Variants in ZNF132 observed in about 807,000 individuals in gnomAD.
ZNF132 encodes zinc finger protein 132, also known as zinc finger protein 132 (clone pHZ-12).
In ZNF132, 6 loss-of-function variants were observed where a neutral mutation model predicts 9.3. The observed-to-expected ratio is 0.65, with a 90% confidence interval of 0.35 to 1.28. The LOEUF (loss-of-function observed/expected upper bound fraction) is 1.28, where lower values mean the gene tolerates loss of function less well. ZNF132 is among the 50% of genes most tolerant of loss of function. ZNF132 has a pLI of 0.03. For missense variants in ZNF132, 877 were observed against 843.2 expected (o/e 1.04, Z -0.50); for synonymous variants, 296 against 292.0 (o/e 1.01, Z -0.14).
chr19:58,437,031 T>TGA lies in ZNF132; in HGVS notation c.232+14_232+15dup. 1 of 1,614,172 alleles carries TGA rather than the reference T, an allele frequency of 6.2e-7. No homozygotes were observed. The highest frequency in any genetic ancestry group is 2.2e-5 in the East Asian group (1 of 44,880). On this transcript the variant is annotated intron_variant, in intron 2 of 2. Transcript: ENST00000254166. ...AGGCATAAGGTAGTCATCACCATGC[T>TGA]GAGACAGGGCATTACCAAGTGAGGT...
Position 58,433,180 on chromosome 19 carries a change from G to A in ZNF132, c.*143C>T. 2.4e-6 allele frequency: 2 copies of A among 850,616 alleles called. No individual in the cohort carries two copies. The highest frequency in any genetic ancestry group is 1.8e-5 in the South Asian group (1 of 56,034). The allele number at this position is 850,616 out of a possible 1,614,324, so 52.7% of individuals were successfully genotyped here. ...GAGATGGCCCTGCAAAGGTTCCTGGGCTGGTCAGAAACAGAGTAGCTTCTG... is the reference window on the plus strand; with the variant it reads ...GAGATGGCCCTGCAAAGGTTCCTGGACTGGTCAGAAACAGAGTAGCTTCTG... On this transcript the variant is annotated 3_prime_UTR_variant, in exon 3 of 3. Coordinates refer to ENST00000254166, the MANE Select transcript of ZNF132 (RefSeq NM_003433.4).
Position 58,435,168 on chromosome 19 carries a change from C to T in ZNF132, c.276G>A (p.Gln92=). 1 of 1,614,158 alleles carries T rather than the reference C, an allele frequency of 6.2e-7. No individual in the cohort carries two copies. The highest frequency in any genetic ancestry group is 8.5e-7 in the Non-Finnish European group (1 of 1,180,016). ...CCTGTAACACTTCTACAGAAACATT[C>T]TGCTTGGGATGGGCCCCCTCACCCT... ...GVEGEGAHPK[Q]NVSVEVLQVR... is the part of the protein sequence containing the mutation. The change falls in exon 3 of 3, where the codon CAG becomes CAA. Residue 92 remains glutamine (Q), a synonymous_variant. Transcript: ENST00000254166.
rs763458895 is a variant in ZNF132 at position 58,434,469 on chromosome 19, C to T, written c.975G>A (p.Gly325=). ...EVKYYECIAC[G]KTFNHKLTFV... ...ATGTGAGTTTGTGGTTGAAGGTTTT[C>T]CCACATGCAATGCACTCATAATATT... The change falls in exon 3 of 3, where the codon GGG becomes GGA. Residue 325 remains glycine (G), a synonymous_variant. Coordinates refer to ENST00000254166, the MANE Select transcript of ZNF132 (RefSeq NM_003433.4). The T allele has an allele frequency of 1.2e-6, 2 of 1,614,216 alleles. No individual in the cohort carries two copies. Among genetic ancestry groups the T allele is most frequent in the East Asian group, 2.2e-5 (1 of 44,894 alleles).
intron 1 of ZNF132, 143 bp from the exon 2 acceptor site, chr19:58,437,358 C>G (rs897986013): frequency 1.1e-5 from 11 of 1,005,778 alleles, no homozygotes; most frequent in Admixed American, 3.0e-5. Flanking sequence ...CACAGCTTAT[C>G]TTCTTCCTCA....
At position 58,434,118 on chromosome 19, in the gene ZNF132, AT is replaced by A; in HGVS notation, c.1325del (p.Asn442IlefsTer89). ...ECSECGRAFN[N>X]NSNLAQHQKV... ...TCTGGTGCTGAGCAAGGTTGGAGTT[AT>A]TGTTAAAAGCTCTTCCACATTCACT... On this transcript the variant is annotated frameshift_variant, in exon 3 of 3. Transcript: ENST00000254166. LOFTEE classifies it low-confidence loss of function (END_TRUNC). 1 of 1,610,344 alleles carries A rather than the reference AT, an allele frequency of 6.2e-7. No homozygotes were observed. The highest frequency in any genetic ancestry group is 2.2e-5 in the East Asian group (1 of 44,594).
rs989638501 is a variant in ZNF132, at chr19:58,433,110, G to A, written c.*213C>T. 4 of 573,910 alleles carry A rather than the reference G, an allele frequency of 7.0e-6. No individual in the cohort carries two copies. The highest frequency in any genetic ancestry group is 1.2e-5 in the Non-Finnish European group (4 of 331,900). The allele number at this position is 573,910 out of a possible 1,614,324, so 35.6% of individuals were successfully genotyped here. A position where few individuals can be genotyped will look rare whatever the true frequency, so the allele number is the denominator to read the frequency against. On this transcript the variant is annotated 3_prime_UTR_variant, in exon 3 of 3. Transcript: ENST00000254166. The stretch of plus-strand genomic sequence containing the variant: ...GACTGCTGCAAATTTTTGGATCCAG[G>A]CAAGATGGAAAGTGACTATGGCTTC...
Position 58,434,370 on chromosome 19 carries a change from G to C in ZNF132, c.1074C>G (p.Asn358Lys), listed in dbSNP as rs1311559932. The C allele has an allele frequency of 6.2e-7, 1 of 1,614,232 alleles. No homozygotes were observed. Among genetic ancestry groups the C allele is most frequent in the East Asian group, 2.2e-5 (1 of 44,890 alleles). Residue 358 changes from asparagine to lysine, a missense_variant, in exon 3 of 3, where the codon AAC (asparagine) becomes AAG (lysine). Transcript: ENST00000254166. ...ECDECGKAFS[N>K]RSHLIRHEKV... is the part of the protein sequence containing the mutation. ...TCTCATGCCGAATGAGGTGTGATCT[G>C]TTACTGAAGGCTTTCCCACATTCAT... is the stretch of plus-strand genomic sequence containing the variant.
chr19:58,439,653 G>T, intron 1 of ZNF132, 106 bp downstream of exon 1: 2 of 1,259,828 alleles, frequency 1.6e-6, no homozygotes, highest in Non-Finnish European at 2.1e-6. Flanking sequence ...TGTGAGGACA[G>T]GACACGATCA....
rs756417648 is a variant in ZNF132, at chr19:58,434,026, T to C, written c.1418A>G (p.His473Arg). 3.7e-6 allele frequency: 6 copies of C among 1,613,986 alleles called. No individual in the cohort carries two copies. In the South Asian group the frequency reaches 6.6e-5, roughly 18 times the overall value. ...ECGRDFSQSS[H>R]LLRHQKVHTG... is the part of the protein sequence containing the mutation. ...GTGAACTTTCTGATGTCGAAGGAGATGGGAGCTTTGGCTGAAGTCTCTTCC... is the reference window on the plus strand; with the variant it reads ...GTGAACTTTCTGATGTCGAAGGAGACGGGAGCTTTGGCTGAAGTCTCTTCC... Residue 473 changes from histidine (H) to arginine (R), a missense_variant, in exon 3 of 3, where the codon CAT (histidine) becomes CGT (arginine). By Grantham distance (29) the His-to-Arg change is conservative. Transcript: ENST00000254166.
chr19:58,435,349 G>T, intron 2 of ZNF132, 138 bp from the exon 3 acceptor site: 1 of 934,166 alleles, frequency 1.1e-6, no homozygotes, highest in Non-Finnish European at 1.6e-6. Flanking sequence ...CCATCATCAG[G>T]GTGAAGAAGG....
rs1344019060 is a variant in ZNF132 at position 58,434,952 on chromosome 19, G to C, written c.492C>G (p.His164Gln). The C allele has an allele frequency of 6.2e-7, 1 of 1,614,164 alleles. No homozygotes were observed. Among genetic ancestry groups the C allele is most frequent in the African/African-American group, 1.3e-5 (1 of 75,034 alleles). ...ACCATCTAAAGGGCTTCCCTCCACT[G>C]TGCTCCTTCTGGTGCTGGTGAAGGT... ...NANLHQHQKE[H>Q]SGGKPFRWYK... The change falls in exon 3 of 3, where the codon CAC (histidine) becomes CAG (glutamine). Residue 164 changes from histidine to glutamine, a missense_variant. Physicochemically the swap from His to Gln is conservative, Grantham distance 24. Coordinates refer to ENST00000254166, the MANE Select transcript of ZNF132 (RefSeq NM_003433.4).
At chr19:58,437,457 G>C (rs2052779738) in intron 1 of ZNF132, among the ~76,000 whole-genome samples, 1 of 152,106 alleles carries the variant, frequency 6.6e-6, no homozygotes, top group African/African-American at 2.4e-5. Flanking sequence ...ACCCAACCTA[G>C]AGGAACAATA....
In ZNF132 at chr19:58,434,951, T is replaced by G. The variant is rs757580149; in HGVS notation, c.493A>C (p.Ser165Arg). The change falls in exon 3 of 3, where the codon AGT (serine) becomes CGT (arginine). Residue 165 changes from serine to arginine, a missense_variant. Transcript: ENST00000254166. ...ANLHQHQKEH[S>R]GGKPFRWYKD... ...TACCATCTAAAGGGCTTCCCTCCAC[T>G]GTGCTCCTTCTGGTGCTGGTGAAGG... 1.9e-6 allele frequency: 3 copies of G among 1,614,218 alleles called. No homozygotes were observed. Among genetic ancestry groups the G allele is most frequent in the Non-Finnish European group, 2.5e-6 (3 of 1,180,038 alleles).
chr19:58,436,135 T>C (rs2052771375), intron 2 of ZNF132, among the ~76,000 whole-genome samples: 3 of 152,274 alleles, frequency 2.0e-5, no homozygotes, highest in Non-Finnish European at 4.4e-5. Flanking sequence ...TAAATCTATA[T>C]AGTCAGAAAG....
Position 58,439,831 on chromosome 19 carries a change from C to T in ZNF132, c.-10G>A. The T allele has an allele frequency of 6.5e-7, 1 of 1,540,570 alleles. No individual in the cohort carries two copies. Among genetic ancestry groups the T allele is most frequent in the East Asian group, 2.5e-5 (1 of 39,764 alleles). On this transcript the variant is annotated 5_prime_UTR_variant, in exon 1 of 3. Coordinates refer to ENST00000254166, the MANE Select transcript of ZNF132 (RefSeq NM_003433.4). Reference sequence around the variant, plus strand: ...GGCTGGGCAGGGCCATAACAGGAGGCCCAGGGCTAGCCCTGCCGCTGGGCC... The same window carrying T: ...GGCTGGGCAGGGCCATAACAGGAGGTCCAGGGCTAGCCCTGCCGCTGGGCC...
Position 58,434,486 on chromosome 19 carries a change from CATAATATTT to C in ZNF132, c.949_957del (p.Lys317_Tyr319del), listed in dbSNP as rs1322251275. On this transcript the variant is annotated inframe_deletion, in exon 3 of 3. Transcript: ENST00000254166. ...AAGGTTTTCCCACATGCAATGCACT[CATAATATTT>C]TACTTCAGTGTGAAATTTCTGGTGC... The C allele has an allele frequency of 6.2e-7, 1 of 1,614,090 alleles. No individual in the cohort carries two copies. Among genetic ancestry groups the C allele is most frequent in the African/African-American group, 1.3e-5 (1 of 74,926 alleles).
chr19:58,436,036 T>G (rs958750791), intron 2 of ZNF132, among the ~76,000 whole-genome samples: 2 of 152,236 alleles, frequency 1.3e-5, no homozygotes, highest in African/African-American at 2.4e-5. Flanking sequence ...TATTGATACA[T>G]GCTACAACAT....
At chr19:58,435,363 C>A in intron 2 of ZNF132, 152 bp from the exon 3 acceptor site, 1 of 845,830 alleles carries the variant, frequency 1.2e-6, no homozygotes, top group Non-Finnish European at 1.8e-6. Flanking sequence ...AAGAAGGGCC[C>A]ATTACTATTG....
rs1479118890 is a variant in ZNF132 at position 58,437,896 on chromosome 19, C to T, written c.64-681G>A. ...AGCAGATCTCAAATATCTCTTCCCTCTGATATCTTTGCCTTTGTATGTGTT... is the reference window on the plus strand; with the variant it reads ...AGCAGATCTCAAATATCTCTTCCCTTTGATATCTTTGCCTTTGTATGTGTT... On this transcript the variant is annotated intron_variant, in intron 1 of 2. Coordinates refer to ENST00000254166, the MANE Select transcript of ZNF132 (RefSeq NM_003433.4). The T allele has an allele frequency of 4.5e-6, 3 of 664,376 alleles. No homozygotes were observed. In the East Asian group the frequency reaches 4.1e-4, roughly 91 times the overall value. 41.2% of individuals were successfully genotyped at this position (664,376 alleles called of 1,614,324 possible).
Sources: allele counts gnomAD v4.1 joint callset (sites outside exome capture counted in the v4.1 genomes callset), GRCh38; gene constraint gnomAD v4.1.1; transcripts MANE v1.5; gene names NCBI Gene and HGNC (gene_info 2026-07-23, HGNC 2026-07-21).